Variants in MTRF1 observed in about 807,000 individuals in gnomAD.
MTRF1 encodes mitochondrial translation release factor 1, also known as peptide chain release factor 1, mitochondrial.
A neutral mutation model predicts 62.9 loss-of-function variants in MTRF1; 51 were observed. The observed-to-expected ratio is 0.81, with a 90% CI of 0.65 to 1.02. The LOEUF (loss-of-function observed/expected upper bound fraction) is 1.02. Ranked by LOEUF, MTRF1 falls within the 50% of genes least tolerant of loss-of-function variation. The pLI, the probability that MTRF1 is intolerant of heterozygous loss-of-function variation, is 0.00. For missense variants in MTRF1, 446 were observed against 530.0 expected (o/e 0.84, Z 1.56); for synonymous variants, 158 against 181.9 (o/e 0.87, Z 1.06).
chr13:41,301,355 T>A, the MTRF1 span, among the ~76,000 whole-genome samples: 1 of 152,142 alleles, frequency 6.6e-6, no homozygotes, highest in Non-Finnish European at 1.5e-5. Context: ...AATCGCAGAA[T>A]GGTGACCCAA....
At chr13:41,281,583 T>C in the MTRF1 span, among the ~76,000 whole-genome samples, 729 of 152,248 alleles carry the variant, frequency 4.8e-3, 2 homozygotes, top group African/African-American at 0.016. Flanking sequence ...CTTATGCTGA[T>C]AGACACAACA....
At chr13:41,246,961 A>T (rs899701527) in intron 5 of MTRF1, among the ~76,000 whole-genome samples, 8 of 152,330 alleles carry the variant, frequency 5.3e-5, no homozygotes, top group Admixed American at 1.3e-4. Flanking sequence ...CTTATGTGTA[A>T]ATAATAATAG....
the MTRF1 span, chr13:41,287,718 C>T: frequency 5.8e-6 from 1 of 172,784 alleles, no homozygotes; most frequent in Admixed American, 6.4e-5. Flanking sequence ...AAGGGCAGGG[C>T]TAAGAATGAG....
intron 7 of MTRF1, among the ~76,000 whole-genome samples, chr13:41,228,577 G>T (rs1331445686): frequency 6.6e-6 from 1 of 152,000 alleles, no homozygotes; most frequent in African/African-American, 2.4e-5. Context: ...TCAAAAGAAA[G>T]AAAGAAAGAA....
chr13:41,237,536 G>A (rs897619259), intron 6 of MTRF1, among the ~76,000 whole-genome samples: 33 of 151,544 alleles, frequency 2.2e-4, no homozygotes, highest in African/African-American at 7.5e-4. Context: ...TCACTCTGTC[G>A]CCCAGGCTGG....
the MTRF1 span, among the ~76,000 whole-genome samples, chr13:41,283,585 C>CTTTTTTTTTTTT: frequency 8.4e-5 from 7 of 83,558 alleles, no homozygotes; most frequent in African/African-American, 1.4e-4. Flanking sequence ...CTCTGACAAT[C>CTTTTTTTTTTTT]TTTTTTTTTT....
chr13:41,269,199 G>GTTTTTTTTTTTTTTTTTTTGATTGGT, the MTRF1 span, among the ~76,000 whole-genome samples: 1 of 68,702 alleles, frequency 1.5e-5, no homozygotes, highest in Non-Finnish European at 2.9e-5. Flanking sequence ...TTTTTTTTTG[G>GTTTTTTTTTTTTTTTTTTTGATTGGT]TTTTTTTTTT....
the MTRF1 span, among the ~76,000 whole-genome samples, chr13:41,299,067 A>C: frequency 2.0e-5 from 3 of 150,382 alleles, no homozygotes; most frequent in South Asian, 6.4e-4. Flanking sequence ...AAATCCAGCT[A>C]CTCAGGAGGC....
chr13:41,246,025 A>G (rs1016533033), intron 5 of MTRF1, among the ~76,000 whole-genome samples: 1 of 140,836 alleles, frequency 7.1e-6, no homozygotes, highest in African/African-American at 2.6e-5. Context: ...GCCTCTTTAA[A>G]TCTCCTTACC....
chr13:41,242,850 G>A (rs182181583), intron 5 of MTRF1, among the ~76,000 whole-genome samples: 30 of 152,242 alleles, frequency 2.0e-4, no homozygotes, highest in East Asian at 3.9e-4. Context: ...GTGCAAAGCT[G>A]AGGGGGGCAG....
chr13:41,254,496 A>G (rs1480068115), intron 3 of MTRF1, 33 bp downstream of exon 3: 2 of 1,492,072 alleles, frequency 1.3e-6, no homozygotes, highest in Non-Finnish European at 9.3e-7. Context: ...TTTATACAGC[A>G]CTATTGAAAC....
At chr13:41,250,912 G>C (rs370895733) in intron 5 of MTRF1, among the ~76,000 whole-genome samples, 57 of 152,218 alleles carry the variant, frequency 3.7e-4, no homozygotes, top group African/African-American at 1.3e-3. Flanking sequence ...AGTCTTCTCA[G>C]CTAGAAAGAT....
the MTRF1 span, among the ~76,000 whole-genome samples, chr13:41,282,717 A>G: frequency 6.6e-6 from 1 of 152,240 alleles, no homozygotes; most frequent in African/African-American, 2.4e-5. Flanking sequence ...TACAATCTCA[A>G]GAGAGCATAT....
the MTRF1 span, among the ~76,000 whole-genome samples, chr13:41,275,936 C>G: frequency 6.6e-6 from 1 of 152,232 alleles, no homozygotes; most frequent in Admixed American, 6.5e-5. Flanking sequence ...AGATGAACAA[C>G]TGCAAGGCCA....
At chr13:41,252,524 C>T in intron 5 of MTRF1, 121 bp downstream of exon 5, 1 of 653,208 alleles carries the variant, frequency 1.5e-6, no homozygotes, top group Non-Finnish European at 2.6e-6. Flanking sequence ...GCCTATGCCA[C>T]AGTGTTTAGT....
the MTRF1 span, among the ~76,000 whole-genome samples, chr13:41,283,585 CTTTTTTTTT>C: frequency 2.4e-5 from 2 of 83,558 alleles, no homozygotes; most frequent in African/African-American, 4.8e-5. Flanking sequence ...CTCTGACAAT[CTTTTTTTTT>C]TTTTTTTTTT....
the MTRF1 span, among the ~76,000 whole-genome samples, chr13:41,302,668 C>G: frequency 6.6e-6 from 1 of 151,620 alleles, no homozygotes; most frequent in Non-Finnish European, 1.5e-5. Context: ...TAGCTGAGAC[C>G]ACAGGTGTGC....
At chr13:41,231,803 T>G (rs1593694609) in intron 7 of MTRF1, among the ~76,000 whole-genome samples, 1 of 148,822 alleles carries the variant, frequency 6.7e-6, no homozygotes, top group Admixed American at 6.8e-5. Flanking sequence ...CACTTTGGGA[T>G]GCTGAGGCAG....
intron 5 of MTRF1, among the ~76,000 whole-genome samples, chr13:41,244,604 T>A (rs931896361): frequency 6.6e-6 from 1 of 152,178 alleles, no homozygotes; most frequent in Non-Finnish European, 1.5e-5. Context: ...ACAGAGGTGA[T>A]ACTATGTCAC....
Sources: gnomAD v4.1 joint callset for allele counts (sites outside exome capture counted in the v4.1 genomes callset) on GRCh38, gnomAD v4.1.1 for gene constraint, MANE v1.5 for transcripts, NCBI Gene and HGNC (gene_info 2026-07-23, HGNC 2026-07-21) for gene names.